The following MTSS1 variants were observed in gnomAD, a reference collection of about 807,000 sequenced individuals.
MTSS1 encodes MTSS I-BAR domain containing 1.
A neutral mutation model predicts 79.0 loss-of-function variants in MTSS1; 18 were observed. The observed-to-expected ratio is 0.23, with a 90% CI of 0.16 to 0.34. MTSS1 has a LOEUF of 0.34. Ranked by LOEUF, MTSS1 falls within the 10% of genes least tolerant of loss-of-function variation. MTSS1 has a pLI of 1.00. For missense variants in MTSS1, 815 were observed against 986.2 expected (o/e 0.83, Z 2.33); for synonymous variants, 341 against 368.6 (o/e 0.93, Z 0.86).
intron 3 of MTSS1, among the ~76,000 whole-genome samples, chr8:124,662,193 C>A (rs1017472176): frequency 6.6e-6 from 1 of 152,090 alleles, no homozygotes; most frequent in Non-Finnish European, 1.5e-5. Flanking sequence ...AACGTCAACG[C>A]TATAATTCCG....
In MTSS1 at chr8:124,554,088, A is replaced by T. The variant is rs543784882; in HGVS notation, c.1568-396T>A. Among the ~76,000 whole-genome samples, 5 of 152,384 alleles carry T rather than the reference A, an allele frequency of 3.3e-5. No homozygotes were observed. In the South Asian group the frequency reaches 1.0e-3, roughly 32 times the overall value. ...AACCTCAAATAGACTAGCCTAGGCT[A>T]TAACATCTCCCTGATAATTAACTGG... On this transcript the variant is annotated intron_variant, in intron 13 of 13. Transcript: ENST00000518547.
chr8:124,556,165 T>G, intron 12 of MTSS1, 67 bp downstream of exon 12: 1 of 1,608,478 alleles, frequency 6.2e-7, no homozygotes, highest in Non-Finnish European at 8.5e-7. Flanking sequence ...CCCCAGTTGC[T>G]GGCCAGAATG....
chr8:124,607,876 A>AG (rs35995953), intron 3 of MTSS1, among the ~76,000 whole-genome samples: 7,948 of 152,166 alleles, frequency 0.052, 349 homozygotes, highest in African/African-American at 0.11. Context: ...TCTACAGAAA[A>AG]GGGGGGGCTT....
intron 3 of MTSS1, among the ~76,000 whole-genome samples, chr8:124,671,484 T>G (rs899260472): frequency 6.6e-6 from 1 of 152,316 alleles, no homozygotes; most frequent in East Asian, 1.9e-4. Flanking sequence ...CTCGCCCTCC[T>G]GGCTGCCTTC....
intron 3 of MTSS1, among the ~76,000 whole-genome samples, chr8:124,676,668 G>A (rs1437114062): frequency 6.6e-6 from 1 of 152,190 alleles, no homozygotes; most frequent in Non-Finnish European, 1.5e-5. Flanking sequence ...CTCCCTCTAG[G>A]TGTTAAGAAT....
intron 1 of MTSS1, among the ~76,000 whole-genome samples, chr8:124,720,835 G>A (rs527823046): frequency 1.1e-4 from 17 of 152,314 alleles, no homozygotes; most frequent in Middle Eastern, 3.4e-3. Flanking sequence ...TTGAGTGGAC[G>A]TTCGCCAGGC....
chr8:124,554,516 A>G (rs1823159263), intron 13 of MTSS1, among the ~76,000 whole-genome samples: 1 of 152,216 alleles, frequency 6.6e-6, no homozygotes, highest in Non-Finnish European at 1.5e-5. Context: ...TGAATGATGA[A>G]TGGCATAGCT....
Position 124,552,504 on chromosome 8 carries a change from A to G in MTSS1, c.*488T>C, listed in dbSNP as rs961491951. ...TCCAGAACATAGTATATTTAAATGA[A>G]GATTTTACCTCTTACCCATTTAGTT... On this transcript the variant is annotated 3_prime_UTR_variant, in exon 14 of 14. Coordinates refer to ENST00000518547, the MANE Select transcript of MTSS1 (RefSeq NM_014751.6). 1 of 160,906 alleles carries G rather than the reference A, an allele frequency of 6.2e-6. No individual in the cohort carries two copies. The highest frequency in any genetic ancestry group is 1.7e-4 in the South Asian group (1 of 5,982). 10.0% of individuals were successfully genotyped at this position (160,906 alleles called of 1,614,324 possible).
Position 124,568,363 on chromosome 8 carries a change from TTTTCCA to T in MTSS1, c.618+10_618+15del. The stretch of plus-strand genomic sequence containing the variant: ...CACCAGCAGTTTAAACCTTCTGGAG[TTTTCCA>T]TTAACTTACAATCACTGGCCGCAGC... On this transcript the variant is annotated intron_variant, in intron 7 of 13. Transcript: ENST00000518547. 1 of 1,607,344 alleles carries T rather than the reference TTTTCCA, an allele frequency of 6.2e-7. No homozygotes were observed. Among genetic ancestry groups the T allele is most frequent in the Non-Finnish European group, 8.5e-7 (1 of 1,175,238 alleles).
chr8:124,595,837 G>A (rs761569001), intron 3 of MTSS1, among the ~76,000 whole-genome samples: 1 of 152,094 alleles, frequency 6.6e-6, no homozygotes, highest in African/African-American at 2.4e-5. Context: ...GCACCCATTC[G>A]CCCTCACATG....
intron 3 of MTSS1, among the ~76,000 whole-genome samples, chr8:124,657,670 G>T (rs1047409055): frequency 1.3e-5 from 2 of 152,170 alleles, no homozygotes; most frequent in Admixed American, 6.5e-5. Context: ...CGTTCACACG[G>T]TCCTTACCAA....
At chr8:124,660,469 CA>C (rs1821820783) in intron 3 of MTSS1, among the ~76,000 whole-genome samples, 2 of 151,052 alleles carry the variant, frequency 1.3e-5, no homozygotes, top group Non-Finnish European at 1.5e-5. Context: ...CACACACACA[CA>C]CACCCTCAAG....
chr8:124,675,403 A>G (rs1380616054), intron 3 of MTSS1, among the ~76,000 whole-genome samples: 3 of 152,202 alleles, frequency 2.0e-5, no homozygotes, highest in Non-Finnish European at 4.4e-5. Context: ...AGGGTTGGGG[A>G]CCAAGTACAT....
chr8:124,665,590 G>A (rs374580598), intron 3 of MTSS1, among the ~76,000 whole-genome samples: 5 of 151,798 alleles, frequency 3.3e-5, no homozygotes, highest in East Asian at 3.9e-4. Context: ...CCCCAAGGCC[G>A]GGCACAGTGG....
In MTSS1 at chr8:124,614,406, A is replaced by G. The variant is rs1443334960; in HGVS notation, c.209-23171T>C. Among the ~76,000 whole-genome samples the G allele has an allele frequency of 3.9e-5, 6 of 152,136 alleles. No homozygotes were observed. In the East Asian group the frequency reaches 1.2e-3, roughly 29 times the overall value. On this transcript the variant is annotated intron_variant, in intron 3 of 13. Transcript: ENST00000518547. Reference sequence around the variant, plus strand: ...GCAATACCATTTCCCTCTCCTTTCTAAGGGATGGGTGTGTTTCTTTTCCCA... The same window carrying G: ...GCAATACCATTTCCCTCTCCTTTCTGAGGGATGGGTGTGTTTCTTTTCCCA...
At chr8:124,673,851 G>T (rs1300606491) in intron 3 of MTSS1, among the ~76,000 whole-genome samples, 1 of 152,180 alleles carries the variant, frequency 6.6e-6, no homozygotes, top group Admixed American at 6.5e-5. Flanking sequence ...CTGAAAAATG[G>T]CACAAGGTGA....
At chr8:124,717,992 T>C (rs546328410) in intron 1 of MTSS1, among the ~76,000 whole-genome samples, 1 of 152,310 alleles carries the variant, frequency 6.6e-6, no homozygotes, top group East Asian at 1.9e-4. Context: ...ACAATGGCAC[T>C]GCTAACAACT....
chr8:124,702,349 G>C (rs1829822775), intron 2 of MTSS1, among the ~76,000 whole-genome samples: 1 of 152,182 alleles, frequency 6.6e-6, no homozygotes, highest in African/African-American at 2.4e-5. Flanking sequence ...GCTGGTGAAG[G>C]ACTCAGGTGA....
chr8:124,591,205 G>A lies in MTSS1; in HGVS notation c.239C>T (p.Thr80Ile). 1 of 1,614,230 alleles carries A rather than the reference G, an allele frequency of 6.2e-7. No homozygotes were observed. Among genetic ancestry groups the A allele is most frequent in the Non-Finnish European group, 8.5e-7 (1 of 1,180,034 alleles). ...GCTTCTGTGCCTCATGCACATCCTGGTGAGAGCAGATCCAATCTCCCTGGT... is the reference window on the plus strand; with the variant it reads ...GCTTCTGTGCCTCATGCACATCCTGATGAGAGCAGATCCAATCTCCCTGGT... ...GGTREIGSALTRMCMRHRSIE... is the reference protein window; with the variant it reads ...GGTREIGSALIRMCMRHRSIE... Residue 80 changes from threonine to isoleucine, a missense_variant, in exon 4 of 14, where the codon ACC (threonine) becomes ATC (isoleucine). Around this residue, in one of 2 missense-constraint regions of MTSS1, gnomAD observed 225 missense variants for 365.4 expected, o/e 0.62. Transcript: ENST00000518547.
Sources: gnomAD v4.1 joint callset for allele counts (sites outside exome capture counted in the v4.1 genomes callset) on GRCh38, gnomAD v4.1.1 for gene constraint, gnomAD v4.1.1 regional missense constraint, MANE v1.5 for transcripts, NCBI Gene and HGNC (gene_info 2026-07-23, HGNC 2026-07-21) for gene names.